Variants in RFX4 observed in about 807,000 individuals in gnomAD.
RFX4 encodes the protein transcription factor RFX4.
RFX4 carries 10 observed loss-of-function variants against 95.0 expected under a neutral mutation model. The ratio of observed to expected loss-of-function variants is 0.11; its 90% CI spans 0.06 to 0.18. The LOEUF (loss-of-function observed/expected upper bound fraction) is 0.18. Among genes scored for constraint, RFX4 ranks in the 10% least tolerant of loss-of-function variants. RFX4 has a pLI of 1.00. For synonymous variants in RFX4, 321 were observed against 340.7 expected (o/e 0.94, Z 0.64); for missense variants, 640 against 922.0 (o/e 0.69, Z 3.96).
intron 1 of RFX4, among the ~76,000 whole-genome samples, chr12:106,595,935 T>C (rs1592831913): frequency 6.6e-6 from 1 of 152,146 alleles, no homozygotes; most frequent in Admixed American, 6.5e-5. Context: ...TCATGGAGTA[T>C]TGTGAGGATT....
intron 3 of RFX4, among the ~76,000 whole-genome samples, chr12:106,652,733 A>G (rs186704716): frequency 6.6e-6 from 1 of 152,222 alleles, no homozygotes; most frequent in African/African-American, 2.4e-5. Flanking sequence ...AAATGATTGA[A>G]CTGATGTTCT....
chr12:106,667,063 C>T (rs2041191454), intron 4 of RFX4, among the ~76,000 whole-genome samples: 9 of 152,058 alleles, frequency 5.9e-5, no homozygotes, highest in Admixed American at 5.9e-4. Flanking sequence ...ATCTATTGTC[C>T]TGTGATTAGG....
At chr12:106,638,452 T>G (rs953778153) in intron 2 of RFX4, among the ~76,000 whole-genome samples, 4 of 152,158 alleles carry the variant, frequency 2.6e-5, no homozygotes, top group African/African-American at 9.7e-5. Context: ...AAATATGTGC[T>G]AAACCCTGCT....
intron 5 of RFX4, among the ~76,000 whole-genome samples, chr12:106,685,231 C>T (rs897824276): frequency 1.3e-5 from 2 of 150,136 alleles, no homozygotes; most frequent in African/African-American, 2.5e-5. Context: ...TTCTTTTAGT[C>T]CTAGCTACTA....
chr12:106,610,613 G>T (rs1387055232), intron 2 of RFX4, among the ~76,000 whole-genome samples: 3 of 152,184 alleles, frequency 2.0e-5, no homozygotes, highest in African/African-American at 4.8e-5. Context: ...TGCCTTCAAG[G>T]TTAATCCATG....
chr12:106,746,189 C>T (rs1236835693), intron 15 of RFX4, among the ~76,000 whole-genome samples: 2 of 151,994 alleles, frequency 1.3e-5, no homozygotes, highest in African/African-American at 4.8e-5. Flanking sequence ...AACCCTGTCT[C>T]TACTAAAAAT....
chr12:106,650,244 T>A (rs1390406488), intron 3 of RFX4, among the ~76,000 whole-genome samples: 3 of 151,986 alleles, frequency 2.0e-5, no homozygotes, highest in Non-Finnish European at 4.4e-5. Flanking sequence ...GTTCATGGAT[T>A]TTTTTTTAGC....
chr12:106,737,173 T>G (rs1185699500), intron 15 of RFX4, among the ~76,000 whole-genome samples: 17 of 78,086 alleles, frequency 2.2e-4, no homozygotes, highest in African/African-American at 8.1e-4. Flanking sequence ...TTTTTTTTTT[T>G]TTTTTTTTTT....
chr12:106,646,842 C>A (rs191438883), intron 3 of RFX4, among the ~76,000 whole-genome samples: 1 of 152,196 alleles, frequency 6.6e-6, no homozygotes, highest in African/African-American at 2.4e-5. Context: ...CCAGGGAAAT[C>A]CTCAACAACA....
At chr12:106,599,679 T>G (rs1026780575) in intron 1 of RFX4, among the ~76,000 whole-genome samples, 3 of 151,510 alleles carry the variant, frequency 2.0e-5, no homozygotes, top group Non-Finnish European at 4.4e-5. Context: ...CTGGAAAGAG[T>G]TCTTATCTTT....
intron 15 of RFX4, among the ~76,000 whole-genome samples, chr12:106,742,125 C>T (rs145988337): frequency 6.6e-5 from 10 of 152,292 alleles, no homozygotes; most frequent in African/African-American, 2.4e-4. Flanking sequence ...GGGAAGCACT[C>T]TAAATTTTCA....
chr12:106,594,794 A>G (rs1305258061), intron 1 of RFX4, among the ~76,000 whole-genome samples: 1 of 127,362 alleles, frequency 7.9e-6, no homozygotes, highest in Non-Finnish European at 1.7e-5. Flanking sequence ...CTTGGTATTG[A>G]GAGGGATTAA....
chr12:106,692,898 G>C (rs933267340), intron 7 of RFX4, among the ~76,000 whole-genome samples: 2 of 152,142 alleles, frequency 1.3e-5, no homozygotes, highest in Admixed American at 6.5e-5. Context: ...TATATGTTTA[G>C]TCCTGAGCTC....
At chr12:106,661,702 C>G (rs2041077113) in intron 4 of RFX4, among the ~76,000 whole-genome samples, 1 of 152,176 alleles carries the variant, frequency 6.6e-6, no homozygotes, top group South Asian at 2.1e-4. Flanking sequence ...CTAAAAATCC[C>G]CTGTTCTCTG....
At chr12:106,601,203 T>G (rs2039698965) in intron 1 of RFX4, 15 of 1,538,852 alleles carry the variant, frequency 9.7e-6, no homozygotes, top group Admixed American at 2.0e-5. Context: ...CTTCCTGGGC[T>G]TCTCCAAACT....
chr12:106,743,713 T>G (rs1043862185), intron 15 of RFX4, among the ~76,000 whole-genome samples: 2 of 152,206 alleles, frequency 1.3e-5, no homozygotes, highest in African/African-American at 4.8e-5. Flanking sequence ...CAAAAGTAAC[T>G]GCTGTTGCAT....
At chr12:106,616,410 T>C (rs1452860454) in intron 2 of RFX4, among the ~76,000 whole-genome samples, 2 of 152,178 alleles carry the variant, frequency 1.3e-5, no homozygotes, top group Admixed American at 6.5e-5. Flanking sequence ...GTTCATGAGA[T>C]TTGTGGCCTA....
chr12:106,723,451 A>G (rs2137536483), intron 13 of RFX4, among the ~76,000 whole-genome samples: 1 of 152,226 alleles, frequency 6.6e-6, no homozygotes, highest in Middle Eastern at 3.4e-3. Flanking sequence ...TGCTTATCTC[A>G]CTGTTATGAA....
chr12:106,622,111 G>A (rs1223094175), intron 2 of RFX4, among the ~76,000 whole-genome samples: 1 of 152,104 alleles, frequency 6.6e-6, no homozygotes, highest in African/African-American at 2.4e-5. Flanking sequence ...TATACAAGAA[G>A]TCAATACCAG....
Sources: allele counts gnomAD v4.1 joint callset (sites outside exome capture counted in the v4.1 genomes callset), GRCh38; gene constraint gnomAD v4.1.1; transcripts MANE v1.5; gene names NCBI Gene and HGNC (gene_info 2026-07-23, HGNC 2026-07-21).